Variants in TBXAS1 observed in about 807,000 individuals in gnomAD.
TBXAS1 encodes the protein thromboxane A synthase 1, also known as thromboxane-A synthase.
Under a neutral mutation model 60.7 loss-of-function variants are expected in TBXAS1, and 48 were observed. The ratio of observed to expected loss-of-function variants is 0.79; its 90% confidence interval spans 0.63 to 1.01. TBXAS1 has a LOEUF of 1.01. Among genes scored for constraint, TBXAS1 ranks in the 50% least tolerant of loss-of-function variants. The pLI is 0.00. For missense variants in TBXAS1, 685 were observed against 686.3 expected (o/e 1.00, Z 0.02); for synonymous variants, 287 against 269.7 (o/e 1.06, Z -0.63).
chr7:139,967,531 A>C (rs549118318), intron 9 of TBXAS1, among the ~76,000 whole-genome samples: 6 of 152,334 alleles, frequency 3.9e-5, no homozygotes, highest in African/African-American at 1.4e-4. Flanking sequence ...CTTTCCTGCA[A>C]GTCTCAGCAA....
rs759726943 is a variant in TBXAS1, at chr7:139,916,507, C to G, written c.333+5186C>G. ...GTCACGTCCAAAGCCATGTGATGGACGTGGTGGGTGGTTTTATCCCGAACC... is the reference window on the plus strand; with the variant it reads ...GTCACGTCCAAAGCCATGTGATGGAGGTGGTGGGTGGTTTTATCCCGAACC... On this transcript the variant is annotated intron_variant, in intron 4 of 12. Transcript: ENST00000448866. The surrounding 1 kb of genome is among the most constrained non-coding windows in gnomAD (Gnocchi z 4.2). Among the ~76,000 whole-genome samples, 6 of 152,196 alleles carry G rather than the reference C, an allele frequency of 3.9e-5. No homozygotes were observed. The highest frequency in any genetic ancestry group is 8.8e-5 in the Non-Finnish European group (6 of 68,038).
chr7:139,791,425 G>A (rs1797378047), intron 4 of TBXAS1, among the ~76,000 whole-genome samples: 1 of 152,170 alleles, frequency 6.6e-6, no homozygotes, highest in Non-Finnish European at 1.5e-5. Flanking sequence ...CCAGGCCTAG[G>A]TGTGGAGTGC....
chr7:139,918,447 C>G (rs1215633336), intron 4 of TBXAS1, among the ~76,000 whole-genome samples: 1 of 152,166 alleles, frequency 6.6e-6, no homozygotes, highest in Non-Finnish European at 1.5e-5. Context: ...CGCAGCCAAG[C>G]ATGTCAAGTG....
intron 4 of TBXAS1, among the ~76,000 whole-genome samples, chr7:139,920,090 G>C (rs1488739386): frequency 6.6e-6 from 1 of 152,240 alleles, no homozygotes; most frequent in Non-Finnish European, 1.5e-5. Context: ...GAAGCTAGCA[G>C]CCATTCAGCT....
At chr7:139,927,281 T>C (rs774831100) in intron 4 of TBXAS1, among the ~76,000 whole-genome samples, 8 of 151,662 alleles carry the variant, frequency 5.3e-5, no homozygotes, top group South Asian at 2.1e-4. Flanking sequence ...GGCATGAAAA[T>C]AGACACACTT....
At position 139,953,450 on chromosome 7, in the gene TBXAS1, T is replaced by C. The variant is rs767583237; in HGVS notation, c.533T>C (p.Ile178Thr). The C allele has an allele frequency of 8.7e-6, 14 of 1,614,134 alleles. No individual in the cohort carries two copies. The highest frequency in any genetic ancestry group is 1.6e-4 in the Middle Eastern group (1 of 6,062). ...RYAESGDAFDIQRCYCNYTTD... is the reference protein window; with the variant it reads ...RYAESGDAFDTQRCYCNYTTD... The stretch of plus-strand genomic sequence containing the variant: ...GCGGAATCTGGGGACGCATTTGACA[T>C]CCAGAGGTAAGGCTGCTGCATTACA... The change falls in exon 6 of 13, where the codon ATC becomes ACC. Residue 178 changes from isoleucine to threonine, a missense_variant. By Grantham distance (89) the Ile-to-Thr change is moderately conservative (BLOSUM62 -1). Transcript: ENST00000448866.
At chr7:139,925,863 A>G (rs1435389551) in intron 4 of TBXAS1, among the ~76,000 whole-genome samples, 2 of 152,158 alleles carry the variant, frequency 1.3e-5, no homozygotes, top group Non-Finnish European at 2.9e-5. Context: ...GAATTTTATC[A>G]AATGCTTTTT....
At chr7:139,887,608 G>C (rs568379586) in intron 3 of TBXAS1, among the ~76,000 whole-genome samples, 1 of 152,240 alleles carries the variant, frequency 6.6e-6, no homozygotes, top group Non-Finnish European at 1.5e-5. Flanking sequence ...GAGAACTACT[G>C]CCTTTTTAAG....
chr7:139,922,455 G>A (rs183443368), intron 4 of TBXAS1, among the ~76,000 whole-genome samples: 170 of 151,648 alleles, frequency 1.1e-3, no homozygotes, highest in African/African-American at 3.9e-3. Flanking sequence ...TTTTAACAAC[G>A]TGCCTGTTGA....
intron 3 of TBXAS1, among the ~76,000 whole-genome samples, chr7:139,883,990 T>C (rs1041570820): frequency 2.6e-5 from 4 of 152,220 alleles, no homozygotes; most frequent in Non-Finnish European, 5.9e-5. Flanking sequence ...GGCCAGATGA[T>C]ATCTGAAGTC....
chr7:139,833,509 C>CAAAA (rs56291914), intron 1 of TBXAS1, among the ~76,000 whole-genome samples: 1 of 74,412 alleles, frequency 1.3e-5, no homozygotes, highest in Non-Finnish European at 2.8e-5. Flanking sequence ...ACTAAAAATA[C>CAAAA]AAAAAAAAAA....
intron 1 of TBXAS1, among the ~76,000 whole-genome samples, chr7:139,837,716 C>T (rs1308645582): frequency 1.3e-5 from 2 of 152,132 alleles, no homozygotes. Flanking sequence ...GCAGTGTGTA[C>T]TATTTGGGTG....
Position 139,927,160 on chromosome 7 carries a change from A to ATTT in TBXAS1, c.334-9017_334-9015dup, listed in dbSNP as rs58381325. Reference sequence around the variant, plus strand: ...CAGGCGTGCACCACCACGCCCGGCTATTTTTTTTTTTTTTTTCCGTACAGA... The same window carrying ATTT: ...CAGGCGTGCACCACCACGCCCGGCTATTTTTTTTTTTTTTTTTTTCCGTACAGA... On this transcript the variant is annotated intron_variant, in intron 4 of 12. Coordinates refer to ENST00000448866, the MANE Select transcript of TBXAS1 (RefSeq NM_001061.7). 4.6e-3 allele frequency among the ~76,000 whole-genome samples: 595 copies of ATTT among 129,644 alleles called. 5 individuals carry two copies. The highest frequency in any genetic ancestry group is 0.015 in the African/African-American group (551 of 36,174). 85.1% of individuals were successfully genotyped at this position (129,644 alleles called of 152,430 possible).
chr7:139,792,241 A>C (rs985526833), intron 4 of TBXAS1, among the ~76,000 whole-genome samples: 1 of 152,226 alleles, frequency 6.6e-6, no homozygotes, highest in African/African-American at 2.4e-5. Flanking sequence ...GTTTTATAGG[A>C]ATAGATCAGC....
intron 5 of TBXAS1, among the ~76,000 whole-genome samples, chr7:139,953,107 C>T (rs541498722): frequency 5.9e-5 from 9 of 152,256 alleles, no homozygotes; most frequent in South Asian, 2.1e-4. Context: ...ATTATTTCAC[C>T]GTATTCACTG....
At chr7:139,995,450 C>A (rs1011772903) in intron 9 of TBXAS1, among the ~76,000 whole-genome samples, 2 of 152,044 alleles carry the variant, frequency 1.3e-5, no homozygotes, top group South Asian at 4.1e-4. Flanking sequence ...GGCAGAGTGA[C>A]CAGGATCTGC....
intron 4 of TBXAS1, among the ~76,000 whole-genome samples, chr7:139,920,083 G>A (rs1406312441): frequency 6.6e-6 from 1 of 152,234 alleles, no homozygotes; most frequent in East Asian, 1.9e-4. Flanking sequence ...GATCATTGAA[G>A]CTAGCAGCCA....
Position 139,876,273 on chromosome 7 carries a change from A to G in TBXAS1, c.236+636A>G, listed in dbSNP as rs114098187. Among the ~76,000 whole-genome samples the G allele has an allele frequency of 7.5e-3, 1,143 of 152,126 alleles. 16 individuals carry two copies. Among genetic ancestry groups the G allele is most frequent in the African/African-American group, 0.026 (1,096 of 41,468 alleles). ...TTTATTTTCTGAATTTCTCCTTTGT[A>G]TGCTCCTTTGTTTCTAAAATTCCAG... On this transcript the variant is annotated intron_variant, in intron 3 of 12. Transcript: ENST00000448866.
intron 3 of TBXAS1, among the ~76,000 whole-genome samples, chr7:139,908,206 GTTC>G (rs1412842412): frequency 6.6e-6 from 1 of 151,114 alleles, no homozygotes; most frequent in Non-Finnish European, 1.5e-5. Context: ...AAGGTTCTTT[GTTC>G]TTCTTTTTCT....
Sources: allele counts gnomAD v4.1 joint callset (sites outside exome capture counted in the v4.1 genomes callset), GRCh38; gene constraint gnomAD v4.1.1; non-coding constraint Gnocchi (gnomAD v3.1); transcripts MANE v1.5; gene names NCBI Gene and HGNC (gene_info 2026-07-23, HGNC 2026-07-21).